Variants in TEAD1 observed in about 807,000 individuals in gnomAD.
TEAD1 encodes TEA domain transcription factor 1, also known as transcriptional enhancer factor TEF-1.
TEAD1 carries 9 observed loss-of-function variants against 54.9 expected under a neutral mutation model. That is an observed-to-expected ratio of 0.16 (90% CI 0.10 to 0.29). The LOEUF (loss-of-function observed/expected upper bound fraction) is 0.29, where lower values mean the gene tolerates loss of function less well. Among genes scored for constraint, TEAD1 ranks in the 10% least tolerant of loss-of-function variants. The probability of loss-of-function intolerance (pLI) is 1.00; values close to 1 mark genes in which losing one functional copy is unlikely to be tolerated. For missense variants in TEAD1, 387 were observed against 535.9 expected (o/e 0.72, Z 2.74); for synonymous variants, 200 against 187.8 (o/e 1.07, Z -0.53).
At chr11:12,710,636 G>C (rs1349024404) in intron 2 of TEAD1, among the ~76,000 whole-genome samples, 1 of 152,166 alleles carries the variant, frequency 6.6e-6, no homozygotes, top group Non-Finnish European at 1.5e-5. Flanking sequence ...GCCAGACACT[G>C]TTGTAGGCAC....
intron 3 of TEAD1, among the ~76,000 whole-genome samples, chr11:12,810,238 C>T (rs1461165113): frequency 1.3e-5 from 2 of 152,034 alleles, no homozygotes; most frequent in African/African-American, 2.4e-5. Flanking sequence ...CTCAACCTCC[C>T]AAAGTGCTGG....
chr11:12,865,320 GT>G, intron 5 of TEAD1: 1 of 169,074 alleles, frequency 5.9e-6, no homozygotes, highest in Middle Eastern at 3.1e-3. Flanking sequence ...CATTTCCAAA[GT>G]GGTCATGAAA....
chr11:12,692,058 T>G (rs1468047583), intron 2 of TEAD1, among the ~76,000 whole-genome samples: 2 of 152,228 alleles, frequency 1.3e-5, no homozygotes, highest in Non-Finnish European at 2.9e-5. Context: ...AGCTATTGTT[T>G]TAGTGCTGCG....
At chr11:12,678,744 T>C (rs181955817) in intron 2 of TEAD1, among the ~76,000 whole-genome samples, 458 of 152,358 alleles carry the variant, frequency 3.0e-3, no homozygotes, top group African/African-American at 0.01. Context: ...TGTGGGTTTT[T>C]ATTTTTTGTT....
intron 2 of TEAD1, among the ~76,000 whole-genome samples, chr11:12,763,577 C>A (rs1167589903): frequency 6.6e-6 from 1 of 152,214 alleles, no homozygotes; most frequent in African/African-American, 2.4e-5. Flanking sequence ...TAATCTTCCT[C>A]CTTCCCTCCT....
rs1392399863 is a variant in TEAD1 at position 12,674,587 on chromosome 11, G to A, written c.-455G>A. 1 of 150,870 alleles carries A rather than the reference G, an allele frequency of 6.6e-6. No homozygotes were observed. Among genetic ancestry groups the A allele is most frequent in the African/African-American group, 2.4e-5 (1 of 41,230 alleles). The allele number at this position is 150,870 out of a possible 1,614,324, so 9.3% of individuals were successfully genotyped here. A position where few individuals can be genotyped will look rare whatever the true frequency, so the allele number is the denominator to read the frequency against. On this transcript the variant is annotated 5_prime_UTR_variant, in exon 1 of 13. Transcript: ENST00000527636. ...TTCCGCGCGGCGGGGCCCGGGCCCG[G>A]GGCGGCCGCGTCCAGGCACAGGCCA... is the stretch of plus-strand genomic sequence containing the variant.
At chr11:12,838,177 G>A (rs1490424119) in intron 3 of TEAD1, among the ~76,000 whole-genome samples, 3 of 152,146 alleles carry the variant, frequency 2.0e-5, no homozygotes, top group African/African-American at 4.8e-5. Context: ...CAGAAGTTCT[G>A]GGTTCTGTGT....
chr11:12,801,008 C>G (rs1051861802), intron 3 of TEAD1, among the ~76,000 whole-genome samples: 1 of 152,268 alleles, frequency 6.6e-6, no homozygotes, highest in African/African-American at 2.4e-5. Flanking sequence ...GGAAGCACAG[C>G]CTGGAAGGAG....
At chr11:12,932,348 A>G (rs1308906045) in intron 12 of TEAD1, among the ~76,000 whole-genome samples, 1 of 152,190 alleles carries the variant, frequency 6.6e-6, no homozygotes, top group African/African-American at 2.4e-5. Flanking sequence ...TGTGACATCT[A>G]CTGAGGATCT....
intron 12 of TEAD1, among the ~76,000 whole-genome samples, chr11:12,936,013 G>C (rs1197460825): frequency 6.6e-6 from 1 of 152,220 alleles, no homozygotes; most frequent in Non-Finnish European, 1.5e-5. Context: ...AGGGGAAACA[G>C]CCTGATACTT....
At position 12,764,175 on chromosome 11, in the gene TEAD1, C is replaced by T. The variant is rs1749529442; in HGVS notation, c.-54-4C>T. ...CTTATACTGTTTTTGGTTTTCTCTT[C>T]TAGGTTTATTTTCTTGAAAAGGCTC... On this transcript the variant is annotated splice_region_variant and splice_polypyrimidine_tract_variant and intron_variant, in intron 2 of 12. Transcript: ENST00000527636. 6.3e-7 allele frequency: 1 copy of T among 1,575,796 alleles called. No homozygotes were observed. The highest frequency in any genetic ancestry group is 8.6e-7 in the Non-Finnish European group (1 of 1,163,904).
chr11:12,713,089 G>A (rs1943978534), intron 2 of TEAD1, among the ~76,000 whole-genome samples: 1 of 152,128 alleles, frequency 6.6e-6, no homozygotes, highest in South Asian at 2.1e-4. Context: ...GGATGATCAT[G>A]GCTTACTGCA....
rs60042137 is a variant in TEAD1 at position 12,908,883 on chromosome 11, G to GTTTTTTTTTTTTTTT, written c.873+6783_873+6784insTTTTTTTTTTTTTTT. Among the ~76,000 whole-genome samples, 954 of 99,466 alleles carry GTTTTTTTTTTTTTTT rather than the reference G, an allele frequency of 9.6e-3. 41 individuals carry two copies. Among genetic ancestry groups the GTTTTTTTTTTTTTTT allele is most frequent in the African/African-American group, 0.029 (891 of 31,208 alleles). The allele number at this position is 99,466 out of a possible 152,430, so 65.3% of individuals were successfully genotyped here. A position where few individuals can be genotyped will look rare whatever the true frequency, so the allele number is the denominator to read the frequency against. On this transcript the variant is annotated intron_variant, in intron 10 of 12. Transcript: ENST00000527636. ...TATGTCAGTATACTTCAAATTATCT[G>GTTTTTTTTTTTTTTT]TTTTTTTTTTTTTGAGACAGTGTTG...
chr11:12,881,845 C>G, intron 7 of TEAD1, 51 bp from the exon 8 acceptor site: 3 of 1,596,002 alleles, frequency 1.9e-6, no homozygotes, highest in Non-Finnish European at 1.7e-6. Flanking sequence ...GGTAATAGCC[C>G]CTGCTGCAGA....
intron 9 of TEAD1, among the ~76,000 whole-genome samples, chr11:12,900,850 G>A (rs937478744): frequency 1.3e-4 from 20 of 152,198 alleles, no homozygotes; most frequent in African/African-American, 4.8e-4. Flanking sequence ...GGCGGATGGA[G>A]TTTCTCAGTG....
chr11:12,919,550 T>TG (rs1486312638), intron 10 of TEAD1, among the ~76,000 whole-genome samples: 1 of 152,026 alleles, frequency 6.6e-6, no homozygotes, highest in African/African-American at 2.4e-5. Context: ...TGGAGTGCAG[T>TG]GGTACAAATC....
intron 3 of TEAD1, among the ~76,000 whole-genome samples, chr11:12,783,459 T>G (rs1055371806): frequency 1.3e-5 from 2 of 152,194 alleles, no homozygotes; most frequent in Non-Finnish European, 2.9e-5. Flanking sequence ...GGAGGAAGGT[T>G]CTCTGCTAAG....
intron 12 of TEAD1, among the ~76,000 whole-genome samples, chr11:12,930,651 T>C (rs546925280): frequency 6.6e-6 from 1 of 152,332 alleles, no homozygotes; most frequent in South Asian, 2.1e-4. Flanking sequence ...CATCCGGCTG[T>C]ATCCTAGATC....
At chr11:12,796,515 T>G (rs535327299) in intron 3 of TEAD1, among the ~76,000 whole-genome samples, 1 of 148,060 alleles carries the variant, frequency 6.8e-6, no homozygotes, top group South Asian at 2.2e-4. Context: ...CACTTGAGTT[T>G]AGGAGTTTGA....
Sources: gnomAD v4.1 joint callset for allele counts (sites outside exome capture counted in the v4.1 genomes callset) on GRCh38, gnomAD v4.1.1 for gene constraint, MANE v1.5 for transcripts, NCBI Gene and HGNC (gene_info 2026-07-23, HGNC 2026-07-21) for gene names.